RBFOX1: variants seen among roughly 807,000 people sequenced by gnomAD.
RBFOX1 encodes the protein RNA binding fox-1 homolog 1.
In RBFOX1, 8 loss-of-function variants were observed where a neutral mutation model predicts 57.7. The observed-to-expected ratio is 0.14, with a 90% CI of 0.08 to 0.25. RBFOX1 has a LOEUF of 0.25. RBFOX1 is among the 10% of genes least tolerant of loss of function. RBFOX1 has a pLI of 1.00. For missense variants in RBFOX1, 611 were observed against 548.5 expected, an observed-to-expected ratio of 1.11 and a Z score of -1.14; for synonymous variants, 326 against 222.4, an observed-to-expected ratio of 1.47 and a Z score of -4.15.
intron 3 of RBFOX1, among the ~76,000 whole-genome samples, chr16:5,618,505 T>G (rs2048113849): frequency 6.6e-6 from 1 of 152,030 alleles, no homozygotes; most frequent in African/African-American, 2.4e-5. Context: ...GCCCAGCTAA[T>G]TTTTTGTATT....
intron 4 of RBFOX1, among the ~76,000 whole-genome samples, chr16:7,054,358 G>C (rs950055202): frequency 2.7e-5 from 4 of 147,964 alleles, no homozygotes; most frequent in African/African-American, 7.5e-5. Flanking sequence ...TCGTGCCTCA[G>C]CCTCCAGAGT....
intron 1 of RBFOX1, among the ~76,000 whole-genome samples, chr16:5,385,638 G>A (rs2066236449): frequency 6.6e-6 from 1 of 152,154 alleles, no homozygotes; most frequent in Admixed American, 6.5e-5. Context: ...GAATTTGCCG[G>A]AAGGTTCTTC....
At chr16:7,063,434 A>T (rs1444274425) in intron 4 of RBFOX1, among the ~76,000 whole-genome samples, 1 of 152,034 alleles carries the variant, frequency 6.6e-6, no homozygotes, top group East Asian at 1.9e-4. Flanking sequence ...TTCTCAGAGT[A>T]CCCTTCAAAG....
At chr16:5,384,878 G>T (rs988200882) in intron 1 of RBFOX1, among the ~76,000 whole-genome samples, 2 of 152,152 alleles carry the variant, frequency 1.3e-5, no homozygotes, top group Admixed American at 1.3e-4. Context: ...TCAGGTGGTC[G>T]TGAGGATTAA....
chr16:5,353,377 A>AC (rs2065307533), intron 1 of RBFOX1, among the ~76,000 whole-genome samples: 1 of 151,780 alleles, frequency 6.6e-6, no homozygotes, highest in Non-Finnish European at 1.5e-5. Flanking sequence ...TGTCTGAAAA[A>AC]AAAAAAAAAA....
intron 3 of RBFOX1, among the ~76,000 whole-genome samples, chr16:5,692,193 GTGTGTGTGTGTGTGTGTGTGTT>G (rs1417975965): frequency 2.0e-5 from 3 of 149,184 alleles, no homozygotes; most frequent in African/African-American, 7.7e-5. Context: ...GTGTGTGTGT[GTGTGTGTGTGTGTGTGTGTGTT>G]TGTGTTTCAC....
At chr16:5,997,618 C>T (rs2060513560) in intron 4 of RBFOX1, among the ~76,000 whole-genome samples, 1 of 152,146 alleles carries the variant, frequency 6.6e-6, no homozygotes, top group Non-Finnish European at 1.5e-5. Flanking sequence ...TCCTGGGTTG[C>T]AGGTGATAAA....
chr16:5,528,479 C>T (rs1189942051), intron 2 of RBFOX1, among the ~76,000 whole-genome samples: 1 of 151,912 alleles, frequency 6.6e-6, no homozygotes, highest in African/African-American at 2.4e-5. Context: ...CCCTTACTGC[C>T]TAAAGCGACA....
At chr16:6,762,602 T>C (rs185386100) in intron 3 of RBFOX1, among the ~76,000 whole-genome samples, 1 of 152,162 alleles carries the variant, frequency 6.6e-6, no homozygotes, top group Admixed American at 6.5e-5. Flanking sequence ...ATCTTAGATA[T>C]GAAAGGAACA....
At chr16:6,005,053 T>C (rs552224919) in intron 4 of RBFOX1, among the ~76,000 whole-genome samples, 1 of 152,212 alleles carries the variant, frequency 6.6e-6, no homozygotes, top group Non-Finnish European at 1.5e-5. Flanking sequence ...TGTGTTTTAA[T>C]GGGAGTGTAA....
At chr16:6,429,015 T>A in intron 2 of RBFOX1, among the ~76,000 whole-genome samples, 1 of 152,222 alleles carries the variant, frequency 6.6e-6, no homozygotes, top group Admixed American at 6.5e-5. Flanking sequence ...TTCGGTGACA[T>A]GCACCTGCTC....
rs1439628562 is a variant in RBFOX1 at position 6,108,897 on chromosome 16, G to A, written c.-127+88905G>A. ...CGCTTGTGATTGTATTAATATTTCG[G>A]ACCCACCTAGATAATCCAGAATAAT... On this transcript the variant is annotated intron_variant, in intron 1 of 15. Coordinates refer to ENST00000550418, the MANE Select transcript of RBFOX1 (RefSeq NM_018723.4). Among the ~76,000 whole-genome samples the A allele has an allele frequency of 2.0e-5, 3 of 151,764 alleles. No individual in the cohort carries two copies. In the East Asian group the frequency reaches 5.8e-4, roughly 29 times the overall value.
intron 4 of RBFOX1, among the ~76,000 whole-genome samples, chr16:7,235,036 G>A (rs1452455472): frequency 2.6e-5 from 4 of 152,154 alleles, no homozygotes; most frequent in African/African-American, 9.7e-5. Context: ...AAGTCGAAGT[G>A]CTATGGTGGA....
chr16:5,376,706 C>T (rs1047276385), intron 1 of RBFOX1, among the ~76,000 whole-genome samples: 6 of 147,224 alleles, frequency 4.1e-5, no homozygotes, highest in Non-Finnish European at 8.8e-5. Context: ...TGGAACTCAT[C>T]GTCTTGGTCT....
chr16:6,912,505 C>T (rs1157649087), intron 3 of RBFOX1, among the ~76,000 whole-genome samples: 1 of 152,072 alleles, frequency 6.6e-6, no homozygotes, highest in East Asian at 1.9e-4. Context: ...TCTGGGTGGG[C>T]TAAGATAACT....
At chr16:6,935,979 GAT>G (rs2077301960) in intron 3 of RBFOX1, among the ~76,000 whole-genome samples, 1 of 152,212 alleles carries the variant, frequency 6.6e-6, no homozygotes, top group African/African-American at 2.4e-5. Flanking sequence ...CTCAGGCAGT[GAT>G]TGCATATCTG....
intron 3 of RBFOX1, among the ~76,000 whole-genome samples, chr16:5,791,736 C>G (rs1448342793): frequency 6.6e-6 from 1 of 152,244 alleles, no homozygotes. Context: ...AAAACCCTCA[C>G]ATGTTGGACA....
At chr16:5,489,979 G>C (rs549864900) in intron 2 of RBFOX1, among the ~76,000 whole-genome samples, 3 of 152,346 alleles carry the variant, frequency 2.0e-5, no homozygotes, top group Non-Finnish European at 1.5e-5. Context: ...GGCCTGGCCT[G>C]TTATTTTCAC....
chr16:7,403,844 G>T (rs1235530956), intron 4 of RBFOX1, among the ~76,000 whole-genome samples: 1 of 150,894 alleles, frequency 6.6e-6, no homozygotes, highest in South Asian at 2.1e-4. Context: ...CCATGCCGGG[G>T]CTCCTTGTTT....
Sources: gnomAD v4.1 joint callset for allele counts (sites outside exome capture counted in the v4.1 genomes callset) on GRCh38, gnomAD v4.1.1 for gene constraint, MANE v1.5 for transcripts, NCBI Gene and HGNC (gene_info 2026-07-23, HGNC 2026-07-21) for gene names.